GRID1: variants seen among roughly 807,000 people sequenced by gnomAD.
GRID1 encodes glutamate receptor ionotropic, delta-1.
In GRID1, 28 loss-of-function variants were observed where a neutral mutation model predicts 98.0. The observed-to-expected ratio is 0.29, with a 90% CI of 0.21 to 0.39. GRID1 has a LOEUF of 0.39. GRID1 is among the 10% of genes least tolerant of loss of function. GRID1 has a pLI of 1.00. For missense variants in GRID1, 1,111 were observed against 1,340.5 expected, an observed-to-expected ratio of 0.83 and a Z score of 2.67; for synonymous variants, 553 against 538.5, an observed-to-expected ratio of 1.03 and a Z score of -0.37.
chr10:85,726,934 G>C (rs1841767046), intron 10 of GRID1, among the ~76,000 whole-genome samples: 1 of 152,164 alleles, frequency 6.6e-6, no homozygotes, highest in African/African-American at 2.4e-5. Context: ...TCACAGTAAA[G>C]GTGTTTCTGA....
intron 4 of GRID1, among the ~76,000 whole-genome samples, chr10:86,023,811 C>A (rs1264958037): frequency 6.6e-6 from 1 of 152,154 alleles, no homozygotes; most frequent in Non-Finnish European, 1.5e-5. Flanking sequence ...TCAATTGCAT[C>A]TATTCCCTTC....
At chr10:86,099,246 G>C (rs1440394818) in intron 4 of GRID1, among the ~76,000 whole-genome samples, 3 of 152,180 alleles carry the variant, frequency 2.0e-5, no homozygotes, top group Admixed American at 2.0e-4. Flanking sequence ...GGGCAGGTAA[G>C]AGTCAAATGA....
intron 3 of GRID1, among the ~76,000 whole-genome samples, chr10:86,147,191 C>G (rs943081404): frequency 6.6e-5 from 10 of 152,200 alleles, no homozygotes; most frequent in Admixed American, 5.9e-4. Flanking sequence ...ACAATCCCAG[C>G]TCCCCAGACA....
chr10:86,014,856 G>A (rs544708558), intron 4 of GRID1, among the ~76,000 whole-genome samples: 2 of 152,150 alleles, frequency 1.3e-5, no homozygotes, highest in African/African-American at 2.4e-5. Context: ...CATTCTATTC[G>A]AGCCCCATTT....
At chr10:85,746,916 G>T (rs995128637) in intron 8 of GRID1, among the ~76,000 whole-genome samples, 1 of 152,090 alleles carries the variant, frequency 6.6e-6, no homozygotes, top group African/African-American at 2.4e-5. Flanking sequence ...TCATGCATTT[G>T]CCTTTATGCT....
chr10:85,839,304 A>G (rs1322766165), intron 8 of GRID1, among the ~76,000 whole-genome samples: 1 of 152,238 alleles, frequency 6.6e-6, no homozygotes, highest in Non-Finnish European at 1.5e-5. Flanking sequence ...ATGGATATCT[A>G]CAGACCTCTC....
chr10:85,909,021 A>G (rs1841500079), intron 5 of GRID1, among the ~76,000 whole-genome samples: 1 of 152,250 alleles, frequency 6.6e-6, no homozygotes, highest in South Asian at 2.1e-4. Context: ...AAATATTTAC[A>G]AAGTATATAT....
At chr10:85,954,973 T>C (rs1842170744) in intron 4 of GRID1, among the ~76,000 whole-genome samples, 1 of 152,186 alleles carries the variant, frequency 6.6e-6, no homozygotes, top group Non-Finnish European at 1.5e-5. Context: ...TACTTTGAAA[T>C]AGGTCTAAAG....
chr10:86,295,624 G>A (rs926630638), intron 2 of GRID1, among the ~76,000 whole-genome samples: 3 of 152,172 alleles, frequency 2.0e-5, no homozygotes, highest in Admixed American at 6.5e-5. Context: ...AGAATGGCCC[G>A]GAGAAACGCG....
intron 2 of GRID1, among the ~76,000 whole-genome samples, chr10:86,218,714 T>C (rs1846210727): frequency 1.3e-5 from 2 of 152,202 alleles, no homozygotes; most frequent in South Asian, 2.1e-4. Flanking sequence ...AGGGACCTTC[T>C]TGTTTACCCA....
intron 4 of GRID1, among the ~76,000 whole-genome samples, chr10:86,081,795 T>C (rs1441150885): frequency 2.0e-5 from 3 of 152,194 alleles, no homozygotes; most frequent in Admixed American, 6.5e-5. Flanking sequence ...ATTCCAACCA[T>C]ATGACATTCT....
intron 2 of GRID1, among the ~76,000 whole-genome samples, chr10:86,232,177 G>A (rs1425991470): frequency 6.6e-6 from 1 of 152,194 alleles, no homozygotes; most frequent in African/African-American, 2.4e-5. Flanking sequence ...AATCCCACGA[G>A]GAAGAAAACT....
intron 2 of GRID1, among the ~76,000 whole-genome samples, chr10:86,220,480 G>C (rs1846236692): frequency 6.6e-6 from 1 of 152,192 alleles, no homozygotes; most frequent in South Asian, 2.1e-4. Flanking sequence ...ACCAGCACCA[G>C]TAAGTACAGG....
At chr10:86,339,713 A>G (rs1848283789) in intron 2 of GRID1, among the ~76,000 whole-genome samples, 2 of 152,210 alleles carry the variant, frequency 1.3e-5, no homozygotes, top group East Asian at 1.9e-4. Context: ...AGTGACCTCA[A>G]GAGGAGGTGT....
chr10:86,002,492 T>G (rs531274000), intron 4 of GRID1, among the ~76,000 whole-genome samples: 1 of 146,536 alleles, frequency 6.8e-6, no homozygotes. Context: ...TTTTTGCACT[T>G]ACATTCTCCA....
intron 4 of GRID1, 114 bp downstream of exon 4, chr10:86,138,705 C>CT (rs1414790610): frequency 2.6e-6 from 2 of 778,702 alleles, no homozygotes; most frequent in Non-Finnish European, 4.3e-6. Context: ...ACCTACGGGT[C>CT]TCCATGTCCG....
intron 4 of GRID1, among the ~76,000 whole-genome samples, chr10:85,936,316 C>T (rs1215336762): frequency 2.0e-5 from 3 of 152,218 alleles, no homozygotes; most frequent in African/African-American, 7.2e-5. Flanking sequence ...CATTTCAGCT[C>T]TCCATGGAAA....
chr10:86,343,619 C>A (rs894677280), intron 2 of GRID1, among the ~76,000 whole-genome samples: 1 of 152,224 alleles, frequency 6.6e-6, no homozygotes, highest in African/African-American at 2.4e-5. Flanking sequence ...CATACACAGC[C>A]TCTGGTGGCT....
At chr10:86,203,218 A>T (rs1041269964) in intron 3 of GRID1, among the ~76,000 whole-genome samples, 14 of 152,166 alleles carry the variant, frequency 9.2e-5, no homozygotes, top group African/African-American at 3.1e-4. Flanking sequence ...CTTTACACTT[A>T]ATTTGCTTTT....
Sources: gnomAD v4.1 joint callset for allele counts (sites outside exome capture counted in the v4.1 genomes callset) on GRCh38, gnomAD v4.1.1 for gene constraint, MANE v1.5 for transcripts, NCBI Gene and HGNC (gene_info 2026-07-23, HGNC 2026-07-21) for gene names.